Variants in DCAF1 observed in about 807,000 individuals in gnomAD.
DCAF1 encodes DDB1- and CUL4-associated factor 1.
A neutral mutation model predicts 128.0 loss-of-function variants in DCAF1; 15 were observed. That is an observed-to-expected ratio of 0.12 (90% CI 0.08 to 0.18). The LOEUF (loss-of-function observed/expected upper bound fraction) is 0.18, where lower values mean the gene tolerates loss of function less well. Among genes scored for constraint, DCAF1 ranks in the 10% least tolerant of loss-of-function variants. The pLI is 1.00. For missense variants in DCAF1, 988 were observed against 1,649.5 expected (o/e 0.60, Z 6.95); for synonymous variants, 610 against 603.0 (o/e 1.01, Z -0.17).
intron 2 of DCAF1, among the ~76,000 whole-genome samples, chr3:51,489,728 A>G (rs1553656988): frequency 6.6e-6 from 1 of 151,764 alleles, no homozygotes; most frequent in Non-Finnish European, 1.5e-5. Flanking sequence ...CAGAGGTTGC[A>G]GTGAGCCAAG....
rs1345322399 is a variant in DCAF1 at position 51,456,960 on chromosome 3, G to GA, written c.375+6153dup. ...AAGGTAGCTACAACCACAAAGATGG[G>GA]AAAAAAACAGAGCAGAAAAACTGGA... On this transcript the variant is annotated intron_variant, in intron 6 of 24. Coordinates refer to ENST00000684031, the MANE Select transcript of DCAF1 (RefSeq NM_001387579.1). Among the ~76,000 whole-genome samples, 3 of 152,134 alleles carry GA rather than the reference G, an allele frequency of 2.0e-5. No homozygotes were observed. In the South Asian group the frequency reaches 6.2e-4, roughly 32 times the overall value.
chr3:51,463,018 C>T (rs1703771892), intron 6 of DCAF1, 96 bp downstream of exon 6: 2 of 735,822 alleles, frequency 2.7e-6, no homozygotes, highest in Middle Eastern at 2.9e-4. Flanking sequence ...ATATGAATAA[C>T]AAAAACTGTA....
intron 2 of DCAF1, among the ~76,000 whole-genome samples, chr3:51,488,491 C>G (rs932460057): frequency 6.6e-6 from 1 of 152,090 alleles, no homozygotes; most frequent in African/African-American, 2.4e-5. Context: ...GCCTGGCCAA[C>G]ATGGTGAAAC....
At chr3:51,478,378 G>C (rs1208232632) in intron 3 of DCAF1, among the ~76,000 whole-genome samples, 1 of 152,110 alleles carries the variant, frequency 6.6e-6, no homozygotes, top group Non-Finnish European at 1.5e-5. Context: ...GCTTTGCATG[G>C]CTGAAGAGCA....
upstream of DCAF1, among the ~76,000 whole-genome samples, chr3:51,503,752 G>A (rs1708875527): frequency 6.6e-6 from 1 of 152,078 alleles, no homozygotes; most frequent in Non-Finnish European, 1.5e-5. Flanking sequence ...ATGAGGAGAG[G>A]GAACGCCACA....
intron 23 of DCAF1, among the ~76,000 whole-genome samples, 186 bp from the exon 24 acceptor site, chr3:51,403,581 C>T (rs1553625710): frequency 6.6e-6 from 1 of 152,200 alleles, no homozygotes; most frequent in East Asian, 1.9e-4. Flanking sequence ...ACACATGTCC[C>T]TCAAGACGGT....
intron 4 of DCAF1, 70 bp downstream of exon 4, chr3:51,470,859 A>AG: frequency 8.7e-7 from 1 of 1,150,542 alleles, no homozygotes; most frequent in East Asian, 2.4e-5. Context: ...AAGAAAAAAA[A>AG]GACCCTCGCT....
chr3:51,453,820 G>T (rs1210906693), intron 6 of DCAF1, among the ~76,000 whole-genome samples: 2 of 151,966 alleles, frequency 1.3e-5, no homozygotes, highest in Non-Finnish European at 2.9e-5. Flanking sequence ...AGGCGTGGTG[G>T]CACGCACCTG....
intron 6 of DCAF1, among the ~76,000 whole-genome samples, chr3:51,460,856 A>G (rs1280045104): frequency 2.7e-5 from 4 of 150,476 alleles, no homozygotes; most frequent in East Asian, 2.0e-4. Context: ...CTGGCTAGCC[A>G]TATGTAGAAA....
At chr3:51,442,699 CAAAAAAAGAAA>C (rs1358530261) in intron 7 of DCAF1, among the ~76,000 whole-genome samples, 26 of 147,368 alleles carry the variant, frequency 1.8e-4, no homozygotes, top group African/African-American at 6.5e-4. Flanking sequence ...AACTCCGTCT[CAAAAAAAGAAA>C]AAAAAAAGAG....
At chr3:51,421,691 C>T (rs182434514) in intron 14 of DCAF1, among the ~76,000 whole-genome samples, 41 of 152,292 alleles carry the variant, frequency 2.7e-4, no homozygotes, top group African/African-American at 8.7e-4. Flanking sequence ...GTGTCTTAGT[C>T]CTATCCTGCA....
chr3:51,478,838 C>T (rs1287287875), intron 3 of DCAF1, among the ~76,000 whole-genome samples: 2 of 152,028 alleles, frequency 1.3e-5, no homozygotes, highest in Non-Finnish European at 2.9e-5. Flanking sequence ...CAGTTTCTGC[C>T]AGTCAGCAAT....
intron 16 of DCAF1, 119 bp downstream of exon 16, chr3:51,418,559 C>T (rs1410376624): frequency 6.9e-7 from 1 of 1,458,440 alleles, no homozygotes; most frequent in Non-Finnish European, 9.1e-7. Flanking sequence ...CTCAACTAGA[C>T]TTTCCAGTTG....
At chr3:51,479,949 G>A (rs527893604) in intron 3 of DCAF1, among the ~76,000 whole-genome samples, 151 of 151,966 alleles carry the variant, frequency 9.9e-4, no homozygotes, top group African/African-American at 3.4e-3. Flanking sequence ...GGAGACCAAC[G>A]TAGAAGGAAC....
chr3:51,472,208 A>T (rs1465370434), intron 3 of DCAF1, among the ~76,000 whole-genome samples: 2 of 151,854 alleles, frequency 1.3e-5, no homozygotes, highest in Non-Finnish European at 2.9e-5. Flanking sequence ...TCCTGCATTA[A>T]CCTTCGGTCA....
chr3:51,398,460 T>C lies in DCAF1; in HGVS notation c.*309A>G, dbSNP rs1050037778. ...AGAACACTATACAAAGAAAATATATTGTGAAATACCCCAGAGACATGGTTT... is the reference window on the plus strand; with the variant it reads ...AGAACACTATACAAAGAAAATATATCGTGAAATACCCCAGAGACATGGTTT... On this transcript the variant is annotated 3_prime_UTR_variant, in exon 25 of 25. Coordinates refer to ENST00000684031, the MANE Select transcript of DCAF1 (RefSeq NM_001387579.1). 3.5e-6 allele frequency: 1 copy of C among 284,270 alleles called. No homozygotes were observed. Among genetic ancestry groups the C allele is most frequent in the Non-Finnish European group, 6.6e-6 (1 of 152,124 alleles). The allele number at this position is 284,270 out of a possible 1,614,324, so 17.6% of individuals were successfully genotyped here.
chr3:51,469,222 T>A (rs1019715834), intron 4 of DCAF1, among the ~76,000 whole-genome samples: 3 of 101,370 alleles, frequency 3.0e-5, no homozygotes, highest in African/African-American at 5.0e-5. Context: ...CACACACAAA[T>A]TTTTTTTTTT....
chr3:51,473,353 C>T (rs1419097657), intron 3 of DCAF1, among the ~76,000 whole-genome samples: 1 of 150,556 alleles, frequency 6.6e-6, no homozygotes, highest in African/African-American at 2.4e-5. Context: ...CTATCATACT[C>T]TCCATCTAAC....
chr3:51,455,557 G>C (rs1702805911), intron 6 of DCAF1, among the ~76,000 whole-genome samples: 2 of 151,990 alleles, frequency 1.3e-5, no homozygotes. Flanking sequence ...AGTGAGCCAT[G>C]GTGATCTCAC....
Sources: allele counts gnomAD v4.1 joint callset (sites outside exome capture counted in the v4.1 genomes callset), GRCh38; gene constraint gnomAD v4.1.1; transcripts MANE v1.5; gene names NCBI Gene and HGNC (gene_info 2026-07-23, HGNC 2026-07-21).